Variants in SLCO4A1 observed in about 807,000 individuals in gnomAD.
SLCO4A1 encodes colon organic anion transporter.
Under a neutral mutation model 64.6 loss-of-function variants are expected in SLCO4A1, and 51 were observed. The observed-to-expected ratio is 0.79, with a 90% CI of 0.63 to 1.00. SLCO4A1 has a LOEUF of 1.00. Among genes scored for constraint, SLCO4A1 ranks in the 50% least tolerant of loss-of-function variants. The pLI, the probability that SLCO4A1 is intolerant of heterozygous loss-of-function variation, is 0.00. For missense variants in SLCO4A1, 919 were observed against 980.5 expected (o/e 0.94, Z 0.84); for synonymous variants, 471 against 444.9 (o/e 1.06, Z -0.74).
At chr20:62,660,577 TC>T in intron 4 of SLCO4A1, 44 bp downstream of exon 4, 1 of 1,592,426 alleles carries the variant, frequency 6.3e-7, no homozygotes, top group Non-Finnish European at 8.5e-7. Context: ...TGGGAGACTG[TC>T]CCTTAGTCTT....
chr20:62,689,589 C>T (rs921271817), downstream of SLCO4A1, among the ~76,000 whole-genome samples: 7 of 152,060 alleles, frequency 4.6e-5, no homozygotes, highest in African/African-American at 1.4e-4. Flanking sequence ...GAGCCGGGTG[C>T]CCAGCACAGC....
downstream of SLCO4A1, among the ~76,000 whole-genome samples, chr20:62,686,254 C>T (rs1331857252): frequency 2.6e-5 from 4 of 152,186 alleles, no homozygotes; most frequent in Admixed American, 2.0e-4. Flanking sequence ...TTCATAAGGA[C>T]ATTATCTCCA....
intron 5 of SLCO4A1, among the ~76,000 whole-genome samples, chr20:62,662,335 G>A (rs956514224): frequency 6.6e-6 from 1 of 152,118 alleles, no homozygotes; most frequent in Non-Finnish European, 1.5e-5. Context: ...GGAACATCGT[G>A]TAGGCACTGG....
intron 2 of SLCO4A1, among the ~76,000 whole-genome samples, chr20:62,683,520 G>T (rs978354411): frequency 1.3e-5 from 2 of 152,178 alleles, no homozygotes; most frequent in African/African-American, 4.8e-5. Flanking sequence ...CTGGAACAAT[G>T]TTCAGGCCAG....
chr20:62,688,915 C>T (rs1260420065), downstream of SLCO4A1, among the ~76,000 whole-genome samples: 3 of 152,360 alleles, frequency 2.0e-5, no homozygotes, highest in Admixed American at 6.5e-5. Flanking sequence ...ATAAACCGAA[C>T]GAGTACAAGC....
rs760601555 is a variant in SLCO4A1 at position 62,671,777 on chromosome 20, G to A, written c.2053G>A (p.Ala685Thr). 33 of 1,613,526 alleles carry A rather than the reference G, an allele frequency of 2.0e-5. No individual in the cohort carries two copies. The South Asian group carries it at 2.7e-4, about 13-fold the overall frequency. ...KVLGVLFFAI[A>T]CFLYKPLSES... ...GCTGGGCGTCCTCTTCTTTGCCATA[G>A]CCTGCTTCTTATACAAGCCCCTGTC... The change falls in exon 12 of 12, where the codon GCC becomes ACC. Residue 685 changes from alanine to threonine, a missense_variant. Ala to Thr is a moderately conservative substitution (Grantham distance 58). Coordinates refer to ENST00000217159, the MANE Select transcript of SLCO4A1 (RefSeq NM_016354.4).
intron 6 of SLCO4A1, chr20:62,666,114 C>CTTCCCCTTCCCCTT (rs1569142121): frequency 4.8e-5 from 1 of 20,946 alleles, no homozygotes. Flanking sequence ...CGCCCCGCCC[C>CTTCCCCTTCCCCTT]CCCGCTCCCC....
rs766248534 is a variant in SLCO4A1, at chr20:62,658,666, C to G, written c.797-11C>G. ...TGCACAGCGGCCCTGACGCCTCTGCCTCTCTCGCAGCCATCTTCTACACAG... is the reference window on the plus strand; with the variant it reads ...TGCACAGCGGCCCTGACGCCTCTGCGTCTCTCGCAGCCATCTTCTACACAG... On this transcript the variant is annotated splice_polypyrimidine_tract_variant and intron_variant, in intron 2 of 11. Coordinates refer to ENST00000217159, the MANE Select transcript of SLCO4A1 (RefSeq NM_016354.4). 6.2e-6 allele frequency: 10 copies of G among 1,606,158 alleles called. No individual in the cohort carries two copies. The South Asian group carries it at 6.7e-5, about 11-fold the overall frequency.
rs112870057 is a variant in SLCO4A1 at position 62,662,303 on chromosome 20, G to A, written c.1121+1128G>A. On this transcript the variant is annotated intron_variant, in intron 5 of 11. Transcript: ENST00000217159. ...GTGACCCCATGGGCCAAGCTGACCC[G>A]GGGCCACGTTCCCAGGACTTGGGAA... 3.8e-4 allele frequency among the ~76,000 whole-genome samples: 58 copies of A among 152,276 alleles called. 1 individual carries two copies. The highest frequency in any genetic ancestry group is 1.2e-3 in the African/African-American group (51 of 41,570).
chr20:62,669,694 G>A lies in SLCO4A1; in HGVS notation c.2025+616G>A, dbSNP rs574913244. Among the ~76,000 whole-genome samples the A allele has an allele frequency of 1.3e-4, 20 of 152,160 alleles. No individual in the cohort carries two copies. The East Asian group carries it at 1.7e-3, about 13-fold the overall frequency. ...CCTTCTAAATAAAATGCGGTCCCAC[G>A]GCCAGCTGTTCAGAGGATCTTGACG... On this transcript the variant is annotated intron_variant, in intron 11 of 11. Coordinates refer to ENST00000217159, the MANE Select transcript of SLCO4A1 (RefSeq NM_016354.4).
In SLCO4A1 at chr20:62,660,469, G is replaced by A. The variant is rs369091357; in HGVS notation, c.945G>A (p.Leu315=). Residue 315 remains leucine (L), a synonymous_variant, in exon 4 of 12, where the codon CTG becomes CTA. Transcript: ENST00000217159. Reference sequence around the variant, plus strand: ...TCGGCGCCTGGTGGGTCGGCTTCCTGGGCTCTGGGGCCGCTGCTTTCTTCA... The same window carrying A: ...TCGGCGCCTGGTGGGTCGGCTTCCTAGGCTCTGGGGCCGCTGCTTTCTTCA... ...LWVGAWWVGF[L]GSGAAAFFTA... is the part of the protein sequence containing the mutation. 2.5e-6 allele frequency: 4 copies of A among 1,602,864 alleles called. No homozygotes were observed. The highest frequency in any genetic ancestry group is 1.7e-5 in the Admixed American group (1 of 59,958).
Position 62,661,632 on chromosome 20 carries a change from C to T in SLCO4A1, c.1121+457C>T, listed in dbSNP as rs535290170. On this transcript the variant is annotated intron_variant, in intron 5 of 11. Transcript: ENST00000217159. The surrounding 1 kb of genome is among the most constrained non-coding windows in gnomAD (Gnocchi z 5.2). ...CCCTTTCATCAGGTGTCACCTGTGC[C>T]GTACCCCCCGGGCCCTGGGATGCTG... Among the ~76,000 whole-genome samples, 81 of 151,136 alleles carry T rather than the reference C, an allele frequency of 5.4e-4. 1 individual carries two copies. Among genetic ancestry groups the T allele is most frequent in the Admixed American group, 1.6e-3 (24 of 15,194 alleles).
Position 62,645,868 on chromosome 20 carries a change from T to A in SLCO4A1, c.-97+3315T>A, listed in dbSNP as rs1339870840. 2.0e-5 allele frequency among the ~76,000 whole-genome samples: 3 copies of A among 151,970 alleles called. No homozygotes were observed. The East Asian group carries it at 5.9e-4, about 30-fold the overall frequency. On this transcript the variant is annotated intron_variant, in intron 1 of 11. Transcript: ENST00000217159. The surrounding 1 kb of genome is among the most constrained non-coding windows in gnomAD (Gnocchi z 4.2). The stretch of plus-strand genomic sequence containing the variant: ...AAGCCTTGGGGGGCACCTGAGGCAT[T>A]GCCCCTCTGGCCCAAGCCGCAGGGA...
intron 2 of SLCO4A1, among the ~76,000 whole-genome samples, chr20:62,684,308 G>A (rs1381395246): frequency 6.6e-6 from 1 of 152,242 alleles, no homozygotes; most frequent in Non-Finnish European, 1.5e-5. Flanking sequence ...ATGAGCTGGG[G>A]TGCCTGGATT....
intron 4 of SLCO4A1, among the ~76,000 whole-genome samples, chr20:62,660,785 C>G (rs895965049): frequency 6.6e-6 from 1 of 152,214 alleles, no homozygotes; most frequent in Non-Finnish European, 1.5e-5. Flanking sequence ...GGCCACGGAA[C>G]AGGCTTGTCC....
chr20:62,690,609 G>C (rs905911973), downstream of SLCO4A1, among the ~76,000 whole-genome samples: 2 of 152,220 alleles, frequency 1.3e-5, no homozygotes, highest in African/African-American at 2.4e-5. Context: ...TTTCATGGAC[G>C]CATTCTGAGA....
intron 2 of SLCO4A1, among the ~76,000 whole-genome samples, chr20:62,680,392 C>G (rs940097575): frequency 6.6e-6 from 1 of 152,172 alleles, no homozygotes; most frequent in Non-Finnish European, 1.5e-5. Flanking sequence ...ACCTCCAGTA[C>G]AATGTCAAAT....
intron 7 of SLCO4A1, chr20:62,666,799 G>A (rs1223095891): frequency 1.7e-6 from 1 of 574,748 alleles, no homozygotes; most frequent in Non-Finnish European, 3.1e-6. Flanking sequence ...TCCCGGCTGT[G>A]CCCCCGGGCA....
intron 2 of SLCO4A1, among the ~76,000 whole-genome samples, chr20:62,680,876 G>C (rs1446483058): frequency 9.2e-5 from 14 of 152,100 alleles, no homozygotes; most frequent in Admixed American, 8.5e-4. Flanking sequence ...GGTAATGCTG[G>C]CTTCATAAAA....
Sources: allele counts gnomAD v4.1 joint callset (sites outside exome capture counted in the v4.1 genomes callset), GRCh38; gene constraint gnomAD v4.1.1; non-coding constraint Gnocchi (gnomAD v3.1); transcripts MANE v1.5; gene names NCBI Gene and HGNC (gene_info 2026-07-23, HGNC 2026-07-21).